The following SLC22A25 variants were observed in gnomAD, a reference collection of about 807,000 sequenced individuals.
SLC22A25 encodes solute carrier family 22 member 25, also known as MGI:2442751, MGI:2385316, MGI:3042283, MGI:3645714, MGI:3605624, MGI:2442750.
SLC22A25 carries 44 observed loss-of-function variants against 45.9 expected under a neutral mutation model. The observed-to-expected ratio is 0.96, with a 90% confidence interval of 0.75 to 1.23. SLC22A25 has a LOEUF of 1.23. SLC22A25 is among the 50% of genes most tolerant of loss of function. The pLI, the probability that SLC22A25 is intolerant of heterozygous loss-of-function variation, is 0.00. For synonymous variants in SLC22A25, 283 were observed against 238.6 expected (o/e 1.19, Z -1.72); for missense variants, 800 against 666.4 (o/e 1.20, Z -2.21).
chr11:63,214,450 G>T (rs950380254), intron 7 of SLC22A25, among the ~76,000 whole-genome samples: 2 of 152,198 alleles, frequency 1.3e-5, no homozygotes, highest in African/African-American at 4.8e-5. Flanking sequence ...TCAGTTGCAT[G>T]TAAGAAAACC....
At chr11:63,188,971 T>C (rs1194551671) in intron 7 of SLC22A25, among the ~76,000 whole-genome samples, 2 of 152,162 alleles carry the variant, frequency 1.3e-5, no homozygotes, top group Admixed American at 1.3e-4. Flanking sequence ...TCCAACTATG[T>C]GGTCAATTTT....
At chr11:63,191,120 G>A (rs1482265049) in intron 7 of SLC22A25, among the ~76,000 whole-genome samples, 1 of 152,234 alleles carries the variant, frequency 6.6e-6, no homozygotes, top group Non-Finnish European at 1.5e-5. Flanking sequence ...GCTGCCTTTT[G>A]TTTGGCTATA....
At chr11:63,178,470 C>T (rs112862127) in intron 9 of SLC22A25, among the ~76,000 whole-genome samples, 3,565 of 118,054 alleles carry the variant, frequency 0.03, 139 homozygotes, top group African/African-American at 0.094. Context: ...ATGCATCTTC[C>T]CCAGCATTTT....
chr11:63,223,196 G>T (rs1046660195), intron 5 of SLC22A25, among the ~76,000 whole-genome samples: 5 of 151,896 alleles, frequency 3.3e-5, no homozygotes, highest in Admixed American at 1.3e-4. Flanking sequence ...GTTTGATTGG[G>T]ATTCGTATGA....
At chr11:63,208,854 G>A (rs563300354) in intron 7 of SLC22A25, among the ~76,000 whole-genome samples, 3 of 152,138 alleles carry the variant, frequency 2.0e-5, no homozygotes, top group Admixed American at 1.3e-4. Flanking sequence ...GGGAAGGCAC[G>A]TTCCTGGCTA....
intron 7 of SLC22A25, among the ~76,000 whole-genome samples, chr11:63,189,534 G>T (rs139787065): frequency 2.9e-4 from 44 of 152,230 alleles, no homozygotes; most frequent in African/African-American, 9.2e-4. Flanking sequence ...GGAGCATTTA[G>T]CCTATTTACA....
intron 7 of SLC22A25, among the ~76,000 whole-genome samples, chr11:63,200,403 A>T (rs2089201871): frequency 6.6e-6 from 1 of 151,312 alleles, no homozygotes; most frequent in Admixed American, 6.6e-5. Context: ...AAAGACAAAA[A>T]CACATGGTTG....
rs756150466 is a variant in SLC22A25 at position 63,164,629 on chromosome 11, G to A, written c.1291C>T (p.Gln431Ter). The change falls in exon 11 of 12, where the codon CAG becomes TAG. Residue 431 changes from glutamine (Q) to a stop codon, truncating the protein, a stop_gained. Transcript: ENST00000306494. LOFTEE classifies it high-confidence loss of function. ...GTTGCCAAAACCACACGCAGGGTCT[G>A]CATTTCTGGAGAAAGGAAGACCACA... is the stretch of plus-strand genomic sequence containing the variant. ...LAIIFVPQEMQTLRVVLATLG... is the reference protein window; with the variant it reads ...LAIIFVPQEM The A allele has an allele frequency of 6.2e-7, 1 of 1,613,074 alleles. No individual in the cohort carries two copies. The highest frequency in any genetic ancestry group is 8.5e-7 in the Non-Finnish European group (1 of 1,179,208).
Position 63,217,484 on chromosome 11 carries a change from T to C in SLC22A25, c.662-2A>G. Reference sequence around the variant, plus strand: ...ATTGGTGAGTTATCCACTCTACAACTGAAAGAAAACACAAACAAGATTTAG... The same window carrying C: ...ATTGGTGAGTTATCCACTCTACAACCGAAAGAAAACACAAACAAGATTTAG... On this transcript the variant is annotated splice_acceptor_variant, in intron 6 of 11. Coordinates refer to ENST00000306494, the MANE Select transcript of SLC22A25 (RefSeq NM_199352.6). LOFTEE classifies it high-confidence loss of function. 6.2e-7 allele frequency: 1 copy of C among 1,613,068 alleles called. No homozygotes were observed.
chr11:63,196,541 G>C (rs1188312074), intron 7 of SLC22A25, among the ~76,000 whole-genome samples: 1 of 152,160 alleles, frequency 6.6e-6, no homozygotes, highest in Non-Finnish European at 1.5e-5. Flanking sequence ...AAAGGCCTTT[G>C]ACAAAATTCA....
chr11:63,231,374 G>T (rs1314447624), intron 3 of SLC22A25, among the ~76,000 whole-genome samples: 7 of 152,080 alleles, frequency 4.6e-5, no homozygotes, highest in Non-Finnish European at 8.8e-5. Context: ...CTCATTGTGG[G>T]TTTGATTTGC....
At chr11:63,211,922 A>G (rs915992529) in intron 7 of SLC22A25, among the ~76,000 whole-genome samples, 1 of 152,170 alleles carries the variant, frequency 6.6e-6, no homozygotes, top group Non-Finnish European at 1.5e-5. Flanking sequence ...TACTCATCTG[A>G]CAAAGGGCTA....
chr11:63,237,056 T>C (rs970844385), intron 3 of SLC22A25, among the ~76,000 whole-genome samples: 6 of 152,216 alleles, frequency 3.9e-5, no homozygotes, highest in African/African-American at 1.2e-4. Flanking sequence ...GAAATTTAAT[T>C]GCTATTGTGA....
chr11:63,220,790 T>C (rs2089835769), intron 5 of SLC22A25, among the ~76,000 whole-genome samples: 1 of 152,134 alleles, frequency 6.6e-6, no homozygotes, highest in South Asian at 2.1e-4. Flanking sequence ...CCCTTCCCAG[T>C]CTCTGGTAAT....
At chr11:63,189,422 T>G (rs367720257) in intron 7 of SLC22A25, among the ~76,000 whole-genome samples, 2 of 152,228 alleles carry the variant, frequency 1.3e-5, no homozygotes, top group South Asian at 4.1e-4. Context: ...TCCCTTTATT[T>G]TGAGCCTATC....
In SLC22A25 at chr11:63,158,448, A is replaced by G. The variant is rs1290947162; in HGVS notation, c.*5376T>C. Among the ~76,000 whole-genome samples, 11 of 152,160 alleles carry G rather than the reference A, an allele frequency of 7.2e-5. No individual in the cohort carries two copies. Among genetic ancestry groups the G allele is most frequent in the Non-Finnish European group, 1.3e-4 (9 of 68,028 alleles). On this transcript the variant is annotated 3_prime_UTR_variant, in exon 12 of 12. Coordinates refer to ENST00000306494, the MANE Select transcript of SLC22A25 (RefSeq NM_199352.6). ...TTTTTAAACAAATATATATTTTAAA[A>G]TGTTTTATTTTTAATTTTTGTGGCT...
intron 9 of SLC22A25, among the ~76,000 whole-genome samples, chr11:63,168,604 G>A (rs2087766487): frequency 1.3e-5 from 2 of 152,214 alleles, no homozygotes; most frequent in Middle Eastern, 3.4e-3. Context: ...AAAGTGTGAA[G>A]GAAAGACTAG....
intron 5 of SLC22A25, chr11:63,219,821 G>T (rs2089808740): frequency 2.3e-6 from 2 of 864,702 alleles, no homozygotes; most frequent in Non-Finnish European, 3.3e-6. Context: ...TTTTCTCATG[G>T]CACTGTCCCA....
intron 5 of SLC22A25, 82 bp from the exon 6 acceptor site, chr11:63,217,817 CT>C (rs2089757281): frequency 2.0e-6 from 3 of 1,474,614 alleles, no homozygotes; most frequent in Admixed American, 4.6e-5. Context: ...CACTTTGAAA[CT>C]TAAAGGATGT....
Sources: allele counts gnomAD v4.1 joint callset (sites outside exome capture counted in the v4.1 genomes callset), GRCh38; gene constraint gnomAD v4.1.1; transcripts MANE v1.5; gene names NCBI Gene and HGNC (gene_info 2026-07-23, HGNC 2026-07-21).